Variants in SEL1L observed in about 807,000 individuals in gnomAD.
SEL1L encodes the protein SEL1L adaptor subunit of SYVN1 ubiquitin ligase.
A neutral mutation model predicts 109.8 loss-of-function variants in SEL1L; 52 were observed. The observed-to-expected ratio is 0.47, with a 90% CI of 0.38 to 0.60. The LOEUF is 0.60. Ranked by LOEUF, SEL1L falls within the 20% of genes least tolerant of loss-of-function variation. SEL1L has a pLI of 0.00. For synonymous variants in SEL1L, 373 were observed against 339.6 expected, an observed-to-expected ratio of 1.10 and a Z score of -1.08; for missense variants, 749 against 962.2, an observed-to-expected ratio of 0.78 and a Z score of 2.93.
intron 3 of SEL1L, among the ~76,000 whole-genome samples, chr14:81,513,757 C>A (rs946125594): frequency 6.6e-6 from 1 of 152,112 alleles, no homozygotes; most frequent in Non-Finnish European, 1.5e-5. Context: ...TCTCTAACCA[C>A]CCCCAACTCT....
intron 3 of SEL1L, among the ~76,000 whole-genome samples, chr14:81,515,148 A>G (rs1225015215): frequency 6.6e-6 from 1 of 152,034 alleles, no homozygotes; most frequent in Non-Finnish European, 1.5e-5. Flanking sequence ...TCTCCAAAGG[A>G]CCACAAACCC....
intron 1 of SEL1L, among the ~76,000 whole-genome samples, chr14:81,531,122 T>G (rs1254937391): frequency 6.6e-6 from 1 of 150,440 alleles, no homozygotes; most frequent in Non-Finnish European, 1.5e-5. Flanking sequence ...ACACTTAAAC[T>G]ACACTAAATT....
At chr14:81,478,685 G>A (rs1903250557) in intron 20 of SEL1L, among the ~76,000 whole-genome samples, 1 of 152,166 alleles carries the variant, frequency 6.6e-6, no homozygotes, top group African/African-American at 2.4e-5. Flanking sequence ...CGACTGGGAG[G>A]CCAGAGTCCC....
intron 3 of SEL1L, among the ~76,000 whole-genome samples, chr14:81,524,626 C>T (rs2140057792): frequency 2.6e-5 from 4 of 152,356 alleles, no homozygotes; most frequent in Middle Eastern, 6.8e-3. Context: ...AATCCCAGCA[C>T]TGTGGGAGGC....
chr14:81,527,304 A>G (rs951122109), intron 2 of SEL1L, among the ~76,000 whole-genome samples: 3 of 152,166 alleles, frequency 2.0e-5, no homozygotes, highest in African/African-American at 7.2e-5. Context: ...CAGAGCTCAT[A>G]ACTGACTGCA....
At chr14:81,526,686 A>T (rs371558925) in intron 3 of SEL1L, 47 bp downstream of exon 3, 2 of 1,438,812 alleles carry the variant, frequency 1.4e-6, no homozygotes, top group African/African-American at 2.8e-5. Context: ...TAAAATTTTC[A>T]GTTGTCCCCT....
At chr14:81,518,817 A>G (rs1384218763) in intron 3 of SEL1L, among the ~76,000 whole-genome samples, 1 of 152,172 alleles carries the variant, frequency 6.6e-6, no homozygotes. Flanking sequence ...TCAATATTGC[A>G]GGCTGGTCTC....
intron 8 of SEL1L, 43 bp from the exon 9 acceptor site, chr14:81,498,537 T>A (rs201148997): frequency 5.9e-5 from 82 of 1,395,680 alleles, no homozygotes; most frequent in Non-Finnish European, 7.1e-6. Context: ...TTTCATGTAC[T>A]TCAGTGTCAT....
At position 81,490,515 on chromosome 14, in the gene SEL1L, T is replaced by G. The variant is rs116428217; in HGVS notation, c.1255-50A>C. The G allele has an allele frequency of 8.2e-4, 1,120 of 1,371,312 alleles. 9 individuals carry two copies. The African/African-American group carries it at 0.015, about 18-fold the overall frequency. The allele number at this position is 1,371,312 out of a possible 1,614,324, so 84.9% of individuals were successfully genotyped here. On this transcript the variant is annotated intron_variant, in intron 12 of 20. Transcript: ENST00000336735. ...TAAGAGCTGTAACCCTCTCTCCAAT[T>G]ACATTTTTCTCCTTTCTCATCTCCT...
chr14:81,512,663 T>C (rs1884533801), intron 3 of SEL1L, among the ~76,000 whole-genome samples: 1 of 152,268 alleles, frequency 6.6e-6, no homozygotes, highest in Non-Finnish European at 1.5e-5. Context: ...ACTGCCTATC[T>C]GTGAGTTCTA....
At chr14:81,501,960 G>A (rs905588032) in intron 6 of SEL1L, among the ~76,000 whole-genome samples, 2 of 151,460 alleles carry the variant, frequency 1.3e-5, no homozygotes, top group Admixed American at 6.6e-5. Flanking sequence ...CAGAAAAACT[G>A]GCCCTATCTC....
At chr14:81,495,173 T>C (rs1164274572) in intron 10 of SEL1L, 36 bp from the exon 11 acceptor site, 1 of 1,586,498 alleles carries the variant, frequency 6.3e-7, no homozygotes, top group Non-Finnish European at 8.7e-7. Context: ...AAGTAAGTGG[T>C]ACCATCTGGC....
At chr14:81,492,612 A>G in intron 11 of SEL1L, 64 bp from the exon 12 acceptor site, 2 of 1,080,966 alleles carry the variant, frequency 1.9e-6, no homozygotes, top group African/African-American at 1.6e-5. Context: ...ACTTTCAGCC[A>G]AAATAATTAT....
chr14:81,490,316 A>C (rs975558879), intron 13 of SEL1L, 72 bp downstream of exon 13: 52 of 1,139,910 alleles, frequency 4.6e-5, no homozygotes, highest in Non-Finnish European at 6.4e-5. Context: ...TTAACCCTTT[A>C]ATATAACAAA....
chr14:81,507,713 G>A (rs772568546), intron 3 of SEL1L, among the ~76,000 whole-genome samples: 36 of 151,608 alleles, frequency 2.4e-4, no homozygotes, highest in Middle Eastern at 3.4e-3. Flanking sequence ...GAATTCAAGG[G>A]TATGCCTAAG....
At chr14:81,492,956 G>A (rs1472299810) in intron 11 of SEL1L, among the ~76,000 whole-genome samples, 1 of 152,174 alleles carries the variant, frequency 6.6e-6, no homozygotes, top group Non-Finnish European at 1.5e-5. Flanking sequence ...AAGACATGGA[G>A]CATATTTTCA....
At chr14:81,518,014 T>C (rs1464878473) in intron 3 of SEL1L, among the ~76,000 whole-genome samples, 1 of 152,088 alleles carries the variant, frequency 6.6e-6, no homozygotes, top group Non-Finnish European at 1.5e-5. Context: ...CTGCAGCCTC[T>C]GTCTCCCAGG....
At chr14:81,522,227 T>C (rs1566626130) in intron 3 of SEL1L, among the ~76,000 whole-genome samples, 2 of 152,128 alleles carry the variant, frequency 1.3e-5, no homozygotes, top group East Asian at 3.9e-4. Flanking sequence ...TGAAAATAAA[T>C]TTAGTGCAGC....
rs200361839 is a variant in SEL1L at position 81,504,487 on chromosome 14, AT to A, written c.509-182del. ...TGACACAAGATAAAACTTAAAAAAA[AT>A]ATATATATATATACACACATATATA... is the stretch of plus-strand genomic sequence containing the variant. On this transcript the variant is annotated intron_variant, in intron 4 of 20. Coordinates refer to ENST00000336735, the MANE Select transcript of SEL1L (RefSeq NM_005065.6). 2.2e-4 allele frequency among the ~76,000 whole-genome samples: 33 copies of A among 147,578 alleles called. No individual in the cohort carries two copies. The East Asian group carries it at 2.7e-3, about 12-fold the overall frequency.
Sources: gnomAD v4.1 joint callset for allele counts (sites outside exome capture counted in the v4.1 genomes callset) on GRCh38, gnomAD v4.1.1 for gene constraint, MANE v1.5 for transcripts, NCBI Gene and HGNC (gene_info 2026-07-23, HGNC 2026-07-21) for gene names.